CELSR1: variants seen among roughly 807,000 people sequenced by gnomAD.
CELSR1 encodes the protein cadherin EGF LAG seven-pass G-type receptor 1, also known as adhesion G protein-coupled receptor C1.
In CELSR1, 110 loss-of-function variants were observed where a neutral mutation model predicts 249.1. The ratio of observed to expected loss-of-function variants is 0.44; its 90% CI spans 0.38 to 0.52. The LOEUF (loss-of-function observed/expected upper bound fraction) is 0.52, where lower values mean the gene tolerates loss of function less well. Ranked by LOEUF, CELSR1 falls within the 20% of genes least tolerant of loss-of-function variation. The probability of loss-of-function intolerance (pLI) is 0.00; values close to 1 mark genes in which losing one functional copy is unlikely to be tolerated. For missense variants in CELSR1, 4,109 were observed against 4,296.4 expected (o/e 0.96, Z 1.22); for synonymous variants, 2,113 against 1,900.0 (o/e 1.11, Z -2.92).
chr22:46,509,403 G>T (rs1382797786), intron 1 of CELSR1, among the ~76,000 whole-genome samples: 1 of 152,166 alleles, frequency 6.6e-6, no homozygotes, highest in Non-Finnish European at 1.5e-5. Context: ...TCTCTACCTG[G>T]GACCCACAGG....
At chr22:46,372,750 C>T (rs991592066) in intron 25 of CELSR1, 133 bp downstream of exon 25, 35 of 1,167,404 alleles carry the variant, frequency 3.0e-5, no homozygotes, top group African/African-American at 7.6e-5. Flanking sequence ...TGTGCAGGGC[C>T]GAGGCCTCCT....
chr22:46,391,330 C>T lies in CELSR1; in HGVS notation c.6149-43G>A. 6.5e-7 allele frequency: 1 copy of T among 1,544,458 alleles called. No individual in the cohort carries two copies. The highest frequency in any genetic ancestry group is 1.4e-5 in the African/African-American group (1 of 73,612). ...GAAGTCTGCTCAGCGGGGCACGCCA[C>T]ACCCACGACCACAAACAGGCACCAC... On this transcript the variant is annotated intron_variant, in intron 15 of 34. Coordinates refer to ENST00000674500, the MANE Select transcript of CELSR1 (RefSeq NM_001378328.1). The surrounding 1 kb of genome is among the most constrained non-coding windows in gnomAD (Gnocchi z 4.3).
chr22:46,370,454 G>A (rs1377475281), intron 25 of CELSR1, among the ~76,000 whole-genome samples: 6 of 151,928 alleles, frequency 3.9e-5, no homozygotes, highest in South Asian at 4.2e-4. Context: ...CCTCACCACC[G>A]AGCCTGCTAT....
Position 46,379,146 on chromosome 22 carries a change from T to A in CELSR1, c.7257-429A>T, listed in dbSNP as rs1196551261. On this transcript the variant is annotated intron_variant, in intron 22 of 34. Coordinates refer to ENST00000674500, the MANE Select transcript of CELSR1 (RefSeq NM_001378328.1). ...CAGCTGCGATGCGGTCCCGTCTCCT[T>A]CTGAGGGCAGACGCTCTCAGAAAGG... Among the ~76,000 whole-genome samples, 3 of 152,330 alleles carry A rather than the reference T, an allele frequency of 2.0e-5. No individual in the cohort carries two copies. The East Asian group carries it at 5.8e-4, about 29-fold the overall frequency.
Position 46,362,838 on chromosome 22 carries a change from G to A in CELSR1, c.*385C>T, listed in dbSNP as rs55642103. The stretch of plus-strand genomic sequence containing the variant: ...CCCGCCTGGGCGGGGCTGGACCGCG[G>A]TCTTTGGTCTGTGCCCGGCGTTCCT... On this transcript the variant is annotated 3_prime_UTR_variant, in exon 35 of 35. Coordinates refer to ENST00000674500, the MANE Select transcript of CELSR1 (RefSeq NM_001378328.1). 0.011 allele frequency: 3,956 copies of A among 350,948 alleles called. 34 individuals are homozygous for A. Among genetic ancestry groups the A allele is most frequent in the Middle Eastern group, 0.019 (24 of 1,286 alleles). 21.7% of individuals were successfully genotyped at this position (350,948 alleles called of 1,614,324 possible).
chr22:46,412,869 C>T lies in CELSR1; in HGVS notation c.4612-1110G>A, dbSNP rs765158542. ...TGCACAACCTGGATAACAAGACCTA[C>T]ATCCCACAGGTGGCCGTGACGATGA... is the stretch of plus-strand genomic sequence containing the variant. On this transcript the variant is annotated intron_variant, in intron 5 of 34. Coordinates refer to ENST00000674500, the MANE Select transcript of CELSR1 (RefSeq NM_001378328.1). The surrounding 1 kb of genome is among the most constrained non-coding windows in gnomAD (Gnocchi z 4.5). 6.6e-6 allele frequency among the ~76,000 whole-genome samples: 1 copy of T among 152,216 alleles called. No homozygotes were observed. Among genetic ancestry groups the T allele is most frequent in the African/African-American group, 2.4e-5 (1 of 41,452 alleles).
Position 46,530,334 on chromosome 22 carries a change from C to T in CELSR1, c.3544+3293G>A, listed in dbSNP as rs115300014. 1,222 of 148,704 alleles carry T rather than the reference C, an allele frequency of 8.2e-3. 20 individuals are homozygous for T. Among genetic ancestry groups the T allele is most frequent in the African/African-American group, 0.029 (1,176 of 40,834 alleles). The allele number at this position is 148,704 out of a possible 1,614,324, so 9.2% of individuals were successfully genotyped here. A position where few individuals can be genotyped will look rare whatever the true frequency, so the allele number is the denominator to read the frequency against. On this transcript the variant is annotated intron_variant, in intron 1 of 34. Coordinates refer to ENST00000674500, the MANE Select transcript of CELSR1 (RefSeq NM_001378328.1). ...TTGTGTATATAATTTATATATAATT[C>T]ATTATAACATATATTATATATTATA...
intron 2 of CELSR1, among the ~76,000 whole-genome samples, chr22:46,451,632 C>A (rs1271524457): frequency 6.6e-6 from 1 of 152,124 alleles, no homozygotes; most frequent in East Asian, 1.9e-4. Flanking sequence ...GGGGACACAG[C>A]CTTTCAGAAG....
chr22:46,365,773 C>T (rs2078763206), intron 30 of CELSR1, 84 bp from the exon 31 acceptor site: 4 of 1,019,104 alleles, frequency 3.9e-6, no homozygotes, highest in South Asian at 1.5e-5. Flanking sequence ...ATTCTCTGCC[C>T]CTACCCCTTC....
At position 46,377,203 on chromosome 22, in the gene CELSR1, G is replaced by T; in HGVS notation, c.7442C>A (p.Ala2481Glu). Reference protein sequence around the residue: ...VTYAAVSLSLAALLVAFVLLS... With the variant: ...VTYAAVSLSLEALLVAFVLLS... ...GAGGACGAAGGCCACCAGCAGGGCT[G>T]CCAGTGACAAGGACACAGCGGCATA... The change falls in exon 24 of 35, where the codon GCA (alanine) becomes GAA (glutamate). Residue 2481 changes from alanine to glutamate, a missense_variant. This residue lies in a region of CELSR1 where 1,805 missense variants were observed against 1,831.6 expected (regional missense o/e 0.99). Coordinates refer to ENST00000674500, the MANE Select transcript of CELSR1 (RefSeq NM_001378328.1). 6.2e-7 allele frequency: 1 copy of T among 1,614,050 alleles called. No individual in the cohort carries two copies. Among genetic ancestry groups the T allele is most frequent in the African/African-American group, 1.3e-5 (1 of 75,068 alleles).
chr22:46,403,974 AAAAAAAAAAAAAAAAAG>A (rs1273281157), intron 9 of CELSR1, among the ~76,000 whole-genome samples: 1 of 145,874 alleles, frequency 6.9e-6, no homozygotes, highest in Non-Finnish European at 1.5e-5. Flanking sequence ...TCCGTCTCAA[AAAAAAAAAAAAAAAAAG>A]AAAAAAAGAA....
Position 46,533,584 on chromosome 22 carries a change from A to G in CELSR1, c.3544+43T>C, listed in dbSNP as rs2080814710. ...TGGCGGGTTCCTGAGGCTCTCCAGG[A>G]GGCCCATCAGGAGCTACTCCTCCCA... On this transcript the variant is annotated intron_variant, in intron 1 of 34. Transcript: ENST00000674500. 4 of 1,513,108 alleles carry G rather than the reference A, an allele frequency of 2.6e-6. 1 individual carries two copies. The East Asian group carries it at 9.1e-5, about 34-fold the overall frequency. The allele number at this position is 1,513,108 out of a possible 1,614,324, so 93.7% of individuals were successfully genotyped here.
chr22:46,476,663 G>A (rs1322073581), intron 1 of CELSR1, among the ~76,000 whole-genome samples: 7 of 150,838 alleles, frequency 4.6e-5, no homozygotes, highest in Admixed American at 6.6e-5. Flanking sequence ...CAAACTTTCC[G>A]CCAAGTGAAA....
intron 1 of CELSR1, among the ~76,000 whole-genome samples, chr22:46,492,206 G>A (rs1399399842): frequency 3.3e-5 from 5 of 152,188 alleles, no homozygotes; most frequent in African/African-American, 1.2e-4. Context: ...CAACATGCCA[G>A]ATGCTACCAG....
At chr22:46,383,784 G>A (rs894800484) in intron 20 of CELSR1, among the ~76,000 whole-genome samples, 3 of 152,112 alleles carry the variant, frequency 2.0e-5, no homozygotes, top group African/African-American at 2.4e-5. Context: ...TCCCTGTGTC[G>A]GCCTCCCAAA....
At chr22:46,388,147 G>A (rs1471179561) in intron 18 of CELSR1, among the ~76,000 whole-genome samples, 2 of 152,112 alleles carry the variant, frequency 1.3e-5, no homozygotes, top group African/African-American at 4.8e-5. Flanking sequence ...TCAGGAGTTC[G>A]AGACCAGCCT....
At chr22:46,511,199 G>T (rs560239228) in intron 1 of CELSR1, among the ~76,000 whole-genome samples, 16 of 152,208 alleles carry the variant, frequency 1.1e-4, no homozygotes, top group African/African-American at 3.9e-4. Context: ...TTCTGGTTTT[G>T]TTTTTACATA....
At position 46,409,793 on chromosome 22, in the gene CELSR1, T is replaced by C. The variant is rs1175021596; in HGVS notation, c.5021A>G (p.Glu1674Gly). 6.2e-7 allele frequency: 1 copy of C among 1,613,684 alleles called. No individual in the cohort carries two copies. The highest frequency in any genetic ancestry group is 8.5e-7 in the Non-Finnish European group (1 of 1,179,976). The part of the protein sequence containing the change: ...CVNRWNMYLC[E>G]CPLRFGGKNC... ...CTTCCCGCCGAATCGGAGTGGACAC[T>C]CACACAGATACATATTCCACCTGTT... Residue 1674 changes from glutamate to glycine, a missense_variant, in exon 8 of 35, where the codon GAG becomes GGG. Around this residue, in one of 7 missense-constraint regions of CELSR1, gnomAD observed 453 missense variants for 492.0 expected, o/e 0.92. Transcript: ENST00000674500. This position sits in a 1 kb window ranked among gnomAD's most constrained non-coding sequence, Gnocchi z 9.8.
intron 24 of CELSR1, among the ~76,000 whole-genome samples, chr22:46,375,149 G>A (rs2078905165): frequency 6.6e-6 from 1 of 152,178 alleles, no homozygotes; most frequent in Admixed American, 6.5e-5. Context: ...GTGGCCCTGA[G>A]CAGCTCGCCG....
Sources: gnomAD v4.1 joint callset for allele counts (sites outside exome capture counted in the v4.1 genomes callset) on GRCh38, gnomAD v4.1.1 for gene constraint, gnomAD v4.1.1 regional missense constraint, Gnocchi (gnomAD v3.1) non-coding constraint, MANE v1.5 for transcripts, NCBI Gene and HGNC (gene_info 2026-07-23, HGNC 2026-07-21) for gene names.